LINGO2: variants seen among roughly 807,000 people sequenced by gnomAD.
LINGO2 encodes leucine rich repeat and Ig domain containing 2.
LINGO2 carries 14 observed loss-of-function variants against 30.6 expected under a neutral mutation model. The observed-to-expected ratio is 0.46, with a 90% CI of 0.30 to 0.72. The LOEUF is 0.72. Among genes scored for constraint, LINGO2 ranks in the 30% least tolerant of loss-of-function variants. The probability of loss-of-function intolerance (pLI) is 0.07; values close to 1 mark genes in which losing one functional copy is unlikely to be tolerated. For synonymous variants in LINGO2, 317 were observed against 288.5 expected, an observed-to-expected ratio of 1.10 and a Z score of -1.00; for missense variants, 729 against 751.7, an observed-to-expected ratio of 0.97 and a Z score of 0.35.
At chr9:29,115,608 A>T in the LINGO2 span, among the ~76,000 whole-genome samples, 1 of 152,016 alleles carries the variant, frequency 6.6e-6, no homozygotes, top group East Asian at 1.9e-4. Context: ...AAGAAAAGAT[A>T]TGCAGTCCTT....
chr9:28,169,589 G>A (rs557672529), intron 4 of LINGO2, among the ~76,000 whole-genome samples: 2 of 152,304 alleles, frequency 1.3e-5, no homozygotes, highest in African/African-American at 2.4e-5. Context: ...TCTGGGTTCT[G>A]ATGTTACGTA....
At chr9:28,739,387 GAAC>G in the LINGO2 span, among the ~76,000 whole-genome samples, 968 of 151,844 alleles carry the variant, frequency 6.4e-3, 26 homozygotes, top group Admixed American at 0.036. Flanking sequence ...GGAAACACAA[GAAC>G]AACAGCCAAA....
chr9:28,297,022 A>C (rs1381685211), intron 3 of LINGO2, among the ~76,000 whole-genome samples: 2 of 152,150 alleles, frequency 1.3e-5, no homozygotes, highest in African/African-American at 4.8e-5. Flanking sequence ...GCAGCCATGA[A>C]GGATATTAAA....
chr9:28,425,313 GTA>G (rs1007365034), intron 2 of LINGO2, among the ~76,000 whole-genome samples: 3 of 119,266 alleles, frequency 2.5e-5, no homozygotes, highest in Non-Finnish European at 3.4e-5. Context: ...TGTATACACA[GTA>G]TATATGTGTG....
chr9:28,948,325 T>C, the LINGO2 span, among the ~76,000 whole-genome samples: 1 of 152,126 alleles, frequency 6.6e-6, no homozygotes, highest in Admixed American at 6.5e-5. Flanking sequence ...AAAACCATAA[T>C]ACAATAATGA....
intron 5 of LINGO2, among the ~76,000 whole-genome samples, chr9:27,954,591 T>A (rs1225777671): frequency 6.6e-6 from 1 of 152,192 alleles, no homozygotes; most frequent in Non-Finnish European, 1.5e-5. Flanking sequence ...ATCCATTCAT[T>A]TGTTGATGGA....
intron 1 of LINGO2, among the ~76,000 whole-genome samples, chr9:28,508,431 A>T (rs969221258): frequency 6.6e-6 from 1 of 152,128 alleles, no homozygotes; most frequent in East Asian, 1.9e-4. Flanking sequence ...AATTGTAGAA[A>T]GAAAACTCAT....
intron 4 of LINGO2, among the ~76,000 whole-genome samples, chr9:28,172,162 C>T (rs1328096529): frequency 1.3e-5 from 2 of 151,014 alleles, no homozygotes; most frequent in East Asian, 2.0e-4. Context: ...GAGGCCGAGG[C>T]GGGCGGATCA....
the LINGO2 span, among the ~76,000 whole-genome samples, chr9:28,733,889 C>T: frequency 6.6e-6 from 1 of 152,004 alleles, no homozygotes; most frequent in South Asian, 2.1e-4. Context: ...CGATTTTGCC[C>T]TAAGTACTAT....
At chr9:27,995,462 C>T (rs1821613473) in intron 5 of LINGO2, among the ~76,000 whole-genome samples, 1 of 152,120 alleles carries the variant, frequency 6.6e-6, no homozygotes, top group Non-Finnish European at 1.5e-5. Flanking sequence ...CCTTAATGAA[C>T]ACAGATGCAG....
chr9:28,003,182 A>G (rs1188181866), intron 5 of LINGO2, among the ~76,000 whole-genome samples: 1 of 152,166 alleles, frequency 6.6e-6, no homozygotes, highest in East Asian at 1.9e-4. Context: ...TTTGGACTGC[A>G]TGGTGGTAGG....
At chr9:27,967,000 A>T (rs1445087835) in intron 5 of LINGO2, among the ~76,000 whole-genome samples, 1 of 152,128 alleles carries the variant, frequency 6.6e-6, no homozygotes, top group Non-Finnish European at 1.5e-5. Context: ...GGACTCTTTG[A>T]AGTGTGGATA....
the LINGO2 span, among the ~76,000 whole-genome samples, chr9:29,076,998 G>A: frequency 6.6e-6 from 1 of 152,096 alleles, no homozygotes; most frequent in Admixed American, 6.5e-5. Flanking sequence ...CTCCTACTAT[G>A]GTTACTGATT....
intron 1 of LINGO2, among the ~76,000 whole-genome samples, chr9:28,562,614 G>T (rs1174283795): frequency 2.0e-5 from 3 of 151,888 alleles, no homozygotes; most frequent in African/African-American, 7.2e-5. Context: ...AGGATATAAG[G>T]TTTACAATGT....
At chr9:28,174,932 G>C (rs867601932) in intron 4 of LINGO2, among the ~76,000 whole-genome samples, 1 of 151,712 alleles carries the variant, frequency 6.6e-6, no homozygotes, top group African/African-American at 2.4e-5. Context: ...GAGAGAGAGA[G>C]AGAGAGAGAG....
chr9:28,396,965 A>C (rs1293483488), intron 2 of LINGO2, among the ~76,000 whole-genome samples: 1 of 152,042 alleles, frequency 6.6e-6, no homozygotes, highest in Admixed American at 6.6e-5. Context: ...CTTCAAGATG[A>C]TTTTGCAAGT....
intron 4 of LINGO2, among the ~76,000 whole-genome samples, chr9:28,226,220 C>T (rs775268399): frequency 3.9e-5 from 6 of 152,004 alleles, no homozygotes; most frequent in Admixed American, 3.3e-4. Context: ...TTAAATAGTA[C>T]GAGAGTGGTT....
Position 28,649,986 on chromosome 9 carries a change from G to C in LINGO2, c.-365+20214C>G, listed in dbSNP as rs1310035225. Among the ~76,000 whole-genome samples the C allele has an allele frequency of 2.0e-5, 3 of 151,828 alleles. No individual in the cohort carries two copies. The East Asian group carries it at 5.8e-4, about 29-fold the overall frequency. On this transcript the variant is annotated intron_variant, in intron 1 of 5. Transcript: ENST00000379992. ...TTCCTAGGATGAGCCTTACCCAGTG[G>C]AAGAGCCATCGTAGAGTGGCTGAAG...
Position 28,301,012 on chromosome 9 carries a change from A to G in LINGO2, c.-245-5646T>C, listed in dbSNP as rs183975114. ...TAGGCAGTTTCCAAATACTTCATAT[A>G]CTCTGAGTTTTCTATGATTTAGAGA... On this transcript the variant is annotated intron_variant, in intron 3 of 5. Coordinates refer to ENST00000379992, the Ensembl canonical transcript of LINGO2. Among the ~76,000 whole-genome samples, 23 of 152,066 alleles carry G rather than the reference A, an allele frequency of 1.5e-4. No individual in the cohort carries two copies. In the East Asian group the frequency reaches 4.3e-3, roughly 28 times the overall value.
Sources: gnomAD v4.1 joint callset for allele counts (sites outside exome capture counted in the v4.1 genomes callset) on GRCh38, gnomAD v4.1.1 for gene constraint, MANE v1.5 for transcripts, NCBI Gene and HGNC (gene_info 2026-07-23, HGNC 2026-07-21) for gene names.